The following CFAP299 variants were observed in gnomAD, a reference collection of about 807,000 sequenced individuals.
CFAP299 encodes the protein cilia- and flagella-associated protein 299.
CFAP299 carries 21 observed loss-of-function variants against 27.0 expected under a neutral mutation model. The ratio of observed to expected loss-of-function variants is 0.78; its 90% CI spans 0.55 to 1.12. The LOEUF (loss-of-function observed/expected upper bound fraction) is 1.12, where lower values mean the gene tolerates loss of function less well. Ranked by LOEUF, CFAP299 falls within the 50% of genes most tolerant of loss-of-function variation. The probability of loss-of-function intolerance (pLI) is 0.00; values close to 1 mark genes in which losing one functional copy is unlikely to be tolerated. For synonymous variants in CFAP299, 104 were observed against 98.1 expected (o/e 1.06, Z -0.36); for missense variants, 310 against 276.6 (o/e 1.12, Z -0.86).
chr4:80,892,401 T>G (rs1734353088), intron 4 of CFAP299, among the ~76,000 whole-genome samples: 1 of 152,158 alleles, frequency 6.6e-6, no homozygotes, highest in Non-Finnish European at 1.5e-5. Flanking sequence ...ACTATGAAAC[T>G]ACTATGAGAA....
intron 2 of CFAP299, among the ~76,000 whole-genome samples, chr4:80,516,464 T>C (rs563273654): frequency 1.3e-5 from 2 of 152,262 alleles, no homozygotes; most frequent in South Asian, 2.1e-4. Context: ...TTTACAATCA[T>C]GATGGAAGGT....
chr4:80,367,954 G>A (rs915208159), intron 2 of CFAP299, among the ~76,000 whole-genome samples: 3 of 152,210 alleles, frequency 2.0e-5, no homozygotes, highest in African/African-American at 4.8e-5. Context: ...AGCCTAGTCA[G>A]TAGTTACAAC....
intron 3 of CFAP299, among the ~76,000 whole-genome samples, chr4:80,799,878 TTA>T (rs373734208): frequency 0.12 from 4,624 of 38,950 alleles, 406 homozygotes; most frequent in Middle Eastern, 0.25. Flanking sequence ...ATATATTATA[TTA>T]TATAATATAT....
chr4:80,609,912 TA>T (rs1051062644), intron 3 of CFAP299, among the ~76,000 whole-genome samples: 2 of 152,074 alleles, frequency 1.3e-5, no homozygotes, highest in African/African-American at 4.8e-5. Flanking sequence ...GAAAAGAAGC[TA>T]AAAATTCTAG....
At chr4:80,527,100 C>T (rs531183348) in intron 2 of CFAP299, among the ~76,000 whole-genome samples, 2 of 152,210 alleles carry the variant, frequency 1.3e-5, no homozygotes, top group South Asian at 2.1e-4. Context: ...TAGAATGCCT[C>T]CTTCGTGCTA....
intron 3 of CFAP299, among the ~76,000 whole-genome samples, chr4:80,642,786 A>G (rs917998194): frequency 2.6e-5 from 4 of 151,938 alleles, no homozygotes; most frequent in African/African-American, 4.8e-5. Flanking sequence ...AAAGTAAAAA[A>G]TTTTTTTCAG....
intron 2 of CFAP299, among the ~76,000 whole-genome samples, chr4:80,407,691 G>A (rs558662981): frequency 6.6e-4 from 101 of 152,236 alleles, no homozygotes; most frequent in African/African-American, 2.2e-3. Context: ...ATTGCAAAAG[G>A]TGTAGATACA....
At chr4:80,482,079 T>C (rs1004377587) in intron 2 of CFAP299, among the ~76,000 whole-genome samples, 21 of 151,992 alleles carry the variant, frequency 1.4e-4, no homozygotes, top group Admixed American at 4.6e-4. Context: ...AGTCAGAAAA[T>C]CTTGTAAAGT....
intron 3 of CFAP299, among the ~76,000 whole-genome samples, chr4:80,685,785 C>T (rs528958086): frequency 6.6e-6 from 1 of 152,052 alleles, no homozygotes; most frequent in African/African-American, 2.4e-5. Context: ...ATTTTTTTTC[C>T]TGTTCCTTCT....
intron 3 of CFAP299, among the ~76,000 whole-genome samples, chr4:80,602,645 T>C (rs1275783870): frequency 1.3e-5 from 2 of 152,136 alleles, no homozygotes; most frequent in Admixed American, 1.3e-4. Context: ...TGGTGGCTAA[T>C]CTTTCTTTCC....
chr4:80,500,725 A>G (rs555816188), intron 2 of CFAP299, among the ~76,000 whole-genome samples: 4 of 152,260 alleles, frequency 2.6e-5, no homozygotes, highest in South Asian at 2.1e-4. Flanking sequence ...TACTCAAAGC[A>G]TGGCACCAGA....
chr4:80,675,509 G>GAGGC (rs1719379113), intron 3 of CFAP299, among the ~76,000 whole-genome samples: 1 of 152,220 alleles, frequency 6.6e-6, no homozygotes, highest in Non-Finnish European at 1.5e-5. Context: ...CCCACTTGAG[G>GAGGC]AGGCAGTCTG....
chr4:80,881,568 C>T (rs1733709349), intron 4 of CFAP299, among the ~76,000 whole-genome samples: 1 of 152,098 alleles, frequency 6.6e-6, no homozygotes. Context: ...TGGCCTCTAT[C>T]TTGCCTCATA....
At chr4:80,623,423 C>T (rs979290463) in intron 3 of CFAP299, among the ~76,000 whole-genome samples, 8 of 152,100 alleles carry the variant, frequency 5.3e-5, no homozygotes, top group Non-Finnish European at 1.0e-4. Flanking sequence ...TAGAACCAAA[C>T]GAAGAGATGG....
chr4:80,352,430 A>T (rs1221827777), intron 1 of CFAP299, among the ~76,000 whole-genome samples: 1 of 152,028 alleles, frequency 6.6e-6, no homozygotes, highest in Non-Finnish European at 1.5e-5. Context: ...ATGCGGGGAC[A>T]GTGGTGCACA....
rs373802706 is a variant in CFAP299, at chr4:80,568,304, A to C, written c.243-14789A>C. On this transcript the variant is annotated intron_variant, in intron 2 of 5. Transcript: ENST00000358105. ...ACTTAGAATTGAATAAGTTGTGATT[A>C]GAATTTAATTATTTAGAAAATTGCA... 1.5e-4 allele frequency among the ~76,000 whole-genome samples: 23 copies of C among 152,192 alleles called. 1 individual carries two copies. Among genetic ancestry groups the C allele is most frequent in the South Asian group, 1.4e-3 (7 of 4,828 alleles).
chr4:80,754,555 CTTT>C (rs5859735), intron 3 of CFAP299, among the ~76,000 whole-genome samples: 3 of 147,486 alleles, frequency 2.0e-5, no homozygotes, highest in African/African-American at 7.3e-5. Flanking sequence ...ATGGATCTGG[CTTT>C]TTTTTTTTAC....
intron 3 of CFAP299, among the ~76,000 whole-genome samples, chr4:80,684,954 G>A (rs1225861349): frequency 1.3e-5 from 2 of 151,834 alleles, no homozygotes; most frequent in African/African-American, 4.8e-5. Context: ...ACTTAGAAAG[G>A]AAAAATAGTA....
At chr4:80,898,271 G>C (rs369558411) in intron 4 of CFAP299, among the ~76,000 whole-genome samples, 7 of 152,226 alleles carry the variant, frequency 4.6e-5, no homozygotes, top group African/African-American at 1.4e-4. Flanking sequence ...AGGATGGGGA[G>C]TTGAAAAGGG....
Sources: allele counts gnomAD v4.1 joint callset (sites outside exome capture counted in the v4.1 genomes callset), GRCh38; gene constraint gnomAD v4.1.1; transcripts MANE v1.5; gene names NCBI Gene and HGNC (gene_info 2026-07-23, HGNC 2026-07-21).